The following INSL6 variants were observed in gnomAD, a reference collection of about 807,000 sequenced individuals.
INSL6 encodes insulin like 6.
INSL6 carries 16 observed loss-of-function variants against 9.4 expected under a neutral mutation model. The ratio of observed to expected loss-of-function variants is 1.70; its 90% CI spans 1.15 to 2.59. INSL6 has a LOEUF of 2.59. Among genes scored for constraint, INSL6 ranks in the 30% most tolerant of loss-of-function variants. The pLI is 0.00. For missense variants in INSL6, 391 were observed against 257.3 expected, an observed-to-expected ratio of 1.52 and a Z score of -3.56; for synonymous variants, 154 against 96.9, an observed-to-expected ratio of 1.59 and a Z score of -3.46.
chr9:5,028,745 C>T, the INSL6 span, among the ~76,000 whole-genome samples: 1 of 152,174 alleles, frequency 6.6e-6, no homozygotes, highest in Admixed American at 6.5e-5. Flanking sequence ...TTTTCTTAAA[C>T]CTCATGAACC....
the INSL6 span, among the ~76,000 whole-genome samples, chr9:5,020,581 C>T: frequency 6.6e-6 from 1 of 152,042 alleles, no homozygotes; most frequent in South Asian, 2.1e-4. Flanking sequence ...GTGTGCACTG[C>T]AGCTGCAGGT....
the INSL6 span, among the ~76,000 whole-genome samples, chr9:5,068,178 A>C: frequency 0.16 from 24,419 of 150,454 alleles, 2,225 homozygotes; most frequent in Middle Eastern, 0.23. Flanking sequence ...CAACAACAAA[A>C]AAAAAAAAAA....
At chr9:5,150,460 C>G (rs1266444862) in intron 2 of INSL6, among the ~76,000 whole-genome samples, 1 of 151,916 alleles carries the variant, frequency 6.6e-6, no homozygotes, top group Non-Finnish European at 1.5e-5. Context: ...ATGGTCAATA[C>G]GCATATGAAA....
At chr9:5,113,283 C>T in the INSL6 span, among the ~76,000 whole-genome samples, 1 of 143,962 alleles carries the variant, frequency 6.9e-6, no homozygotes, top group Non-Finnish European at 1.5e-5. Context: ...AAAAAAATGC[C>T]TTAACTATAA....
At chr9:5,021,055 G>A in the INSL6 span, among the ~76,000 whole-genome samples, 32 of 152,206 alleles carry the variant, frequency 2.1e-4, no homozygotes, top group South Asian at 4.1e-4. Context: ...CTTGTGTCTG[G>A]GATTGCAGGA....
intron 1 of INSL6, among the ~76,000 whole-genome samples, chr9:5,172,940 AAAAG>A (rs1384476703): frequency 6.6e-6 from 1 of 152,154 alleles, no homozygotes; most frequent in East Asian, 1.9e-4. Flanking sequence ...AAGAAAAAAA[AAAAG>A]AGTGGGCAAA....
chr9:5,098,501 CA>C, the INSL6 span: 2 of 152,124 alleles, frequency 1.3e-5, no homozygotes, highest in African/African-American at 4.8e-5. Context: ...CTCATATTAG[CA>C]CCACAGATGC....
At chr9:5,082,248 G>A in the INSL6 span, among the ~76,000 whole-genome samples, 4 of 152,188 alleles carry the variant, frequency 2.6e-5, no homozygotes, top group East Asian at 3.9e-4. Context: ...AGAGGAATGC[G>A]GCAGGAGAGC....
At chr9:5,111,708 G>A in the INSL6 span, 2 of 431,628 alleles carry the variant, frequency 4.6e-6, no homozygotes, top group Middle Eastern at 5.2e-4. Context: ...ACGTTTGGCG[G>A]CCTGCACCAG....
chr9:5,026,658 G>C, the INSL6 span, among the ~76,000 whole-genome samples: 1 of 152,164 alleles, frequency 6.6e-6, no homozygotes, highest in Admixed American at 6.5e-5. Flanking sequence ...TGGTTATTCT[G>C]TGGAACTTCT....
intron 1 of INSL6, among the ~76,000 whole-genome samples, chr9:5,176,557 C>T (rs1031930382): frequency 2.6e-5 from 4 of 151,746 alleles, no homozygotes; most frequent in Non-Finnish European, 5.9e-5. Flanking sequence ...AAAAGAAGAC[C>T]TTAATAAAGT....
the INSL6 span, chr9:5,109,521 T>A: frequency 6.6e-6 from 1 of 152,198 alleles, no homozygotes; most frequent in African/African-American, 2.4e-5. Flanking sequence ...ACTACTATAA[T>A]AGCCCTAATC....
At chr9:5,182,442 C>A (rs962393531) in intron 1 of INSL6, among the ~76,000 whole-genome samples, 2 of 152,088 alleles carry the variant, frequency 1.3e-5, no homozygotes, top group Non-Finnish European at 2.9e-5. Context: ...TAATCACCTT[C>A]TGTAAATTAT....
chr9:5,057,615 C>T, the INSL6 span, among the ~76,000 whole-genome samples: 1 of 140,912 alleles, frequency 7.1e-6, no homozygotes, highest in Non-Finnish European at 1.5e-5. Context: ...ATGAGTCTTG[C>T]CCTGTCATCC....
chr9:5,113,982 TGGCTGGAG>T, the INSL6 span: 1 of 270,760 alleles, frequency 3.7e-6, no homozygotes, highest in South Asian at 4.2e-5. Context: ...CAGCATCACC[TGGCTGGAG>T]GATGGGCAGG....
the INSL6 span, among the ~76,000 whole-genome samples, chr9:4,999,863 T>C: frequency 1.3e-5 from 2 of 152,246 alleles, no homozygotes; most frequent in Non-Finnish European, 2.9e-5. Flanking sequence ...ATAGAATTAT[T>C]AGATATGCAT....
the INSL6 span, among the ~76,000 whole-genome samples, chr9:5,043,201 A>G: frequency 2.8e-3 from 427 of 152,244 alleles, no homozygotes; most frequent in African/African-American, 1.0e-2. Flanking sequence ...GGTCAGCTTG[A>G]GGCAGTGCCC....
the INSL6 span, among the ~76,000 whole-genome samples, chr9:5,003,735 A>G: frequency 1.3e-5 from 2 of 152,080 alleles, no homozygotes; most frequent in African/African-American, 4.8e-5. Context: ...AATGTCCACT[A>G]TGGTATTGAA....
intron 2 of INSL6, among the ~76,000 whole-genome samples, chr9:5,151,087 G>C (rs934529467): frequency 2.6e-5 from 4 of 152,162 alleles, no homozygotes; most frequent in African/African-American, 9.6e-5. Context: ...AACTGTGAAA[G>C]AGGAGGGGGT....
Sources: allele counts gnomAD v4.1 joint callset (sites outside exome capture counted in the v4.1 genomes callset), GRCh38; gene constraint gnomAD v4.1.1; transcripts MANE v1.5; gene names NCBI Gene and HGNC (gene_info 2026-07-23, HGNC 2026-07-21).